KCNQ1OT1: variants seen among roughly 807,000 people sequenced by gnomAD.
KCNQ1OT1 encodes KCNQ1 antisense RNA 2 (non-protein coding).
At chr11:2,614,827 A>C (rs1198729008) in exon 1 of KCNQ1OT1, 9 of 398,296 alleles carry the variant, frequency 2.3e-5, no homozygotes, top group Non-Finnish European at 4.0e-5. Flanking sequence ...GGCAGGCCTG[A>C]GTCTTCCAAC....
At chr11:2,655,151 C>G in exon 1 of KCNQ1OT1, 1 of 398,622 alleles carries the variant, frequency 2.5e-6, no homozygotes, top group Non-Finnish European at 4.4e-6. Flanking sequence ...GGATGCTGTG[C>G]TGAGTTTGAT....
chr11:2,609,682 C>T (rs1848946054), exon 1 of KCNQ1OT1: 2 of 398,124 alleles, frequency 5.0e-6, no homozygotes. Flanking sequence ...TCAGTTTTTG[C>T]TTCTTATGTT....
chr11:2,674,832 TAAAAAAAAAAAAAAAAAAA>T lies in KCNQ1OT1; in HGVS notation n.25144_25162del. ...GCTTGTCACCCTAATAGCTGTTTTT[TAAAAAAAAAAAAAAAAAAA>T]AAAAAAAAAGCTCACTGGGCACCTT... is the stretch of plus-strand genomic sequence containing the variant. On this transcript the variant is annotated non_coding_transcript_exon_variant, in exon 1 of 1. Coordinates refer to ENST00000597346, the Ensembl canonical transcript of KCNQ1OT1. This position sits in a 1 kb window ranked among gnomAD's most constrained non-coding sequence, Gnocchi z 5.9. The T allele has an allele frequency of 3.3e-6, 1 of 303,392 alleles. No individual in the cohort carries two copies. The allele number at this position is 303,392 out of a possible 1,614,324, so 18.8% of individuals were successfully genotyped here.
At chr11:2,685,787 C>G in exon 1 of KCNQ1OT1, 1 of 398,708 alleles carries the variant, frequency 2.5e-6, no homozygotes, top group Non-Finnish European at 4.4e-6. Context: ...AAGGGCCCTG[C>G]ACAGTCAGCG....
exon 1 of KCNQ1OT1, chr11:2,638,544 G>A (rs1188956711): frequency 1.3e-5 from 2 of 152,126 alleles, no homozygotes; most frequent in African/African-American, 2.4e-5. Context: ...TGAGAGATCC[G>A]CCGTTAGTCT....
rs767804839 is a variant in KCNQ1OT1 at position 2,661,914 on chromosome 11, A to AG, written n.38080dup. ...ACAGGCCTGGCTCCACAGCACTGGCAGGTTGGGTGGGAGGCCTAACGTGCT... is the reference window on the plus strand; with the variant it reads ...ACAGGCCTGGCTCCACAGCACTGGCAGGGTTGGGTGGGAGGCCTAACGTGCT... On this transcript the variant is annotated non_coding_transcript_exon_variant, in exon 1 of 1. Transcript: ENST00000597346. The surrounding 1 kb of genome is among the most constrained non-coding windows in gnomAD (Gnocchi z 5.9). The AG allele has an allele frequency of 6.2e-7, 1 of 1,613,642 alleles. No individual in the cohort carries two copies.
chr11:2,649,902 ACTT>A (rs1345931452), exon 1 of KCNQ1OT1: 4 of 398,340 alleles, frequency 1.0e-5, no homozygotes, highest in African/African-American at 8.2e-5. Context: ...TTATCCCAAC[ACTT>A]CTTCTGGAAC....
At position 2,659,936 on chromosome 11, in the gene KCNQ1OT1, G is replaced by C. The variant is rs1177296482; in HGVS notation, n.40059C>G. On this transcript the variant is annotated non_coding_transcript_exon_variant, in exon 1 of 1. Coordinates refer to ENST00000597346, the Ensembl canonical transcript of KCNQ1OT1. The surrounding 1 kb of genome is among the most constrained non-coding windows in gnomAD (Gnocchi z 4.3). ...TAAGCATTCTTTATATATTCTGAGT[G>C]CAAGTCCTTGACCTGATAGGTGATA... 2.5e-6 allele frequency: 1 copy of C among 398,282 alleles called. No homozygotes were observed. Among genetic ancestry groups the C allele is most frequent in the African/African-American group, 2.1e-5 (1 of 48,600 alleles). The allele number at this position is 398,282 out of a possible 1,614,324, so 24.7% of individuals were successfully genotyped here.
In KCNQ1OT1 at chr11:2,683,802, C is replaced by T; in HGVS notation, n.16193G>A. On this transcript the variant is annotated non_coding_transcript_exon_variant, in exon 1 of 1. Coordinates refer to ENST00000597346, the Ensembl canonical transcript of KCNQ1OT1. This position sits in a 1 kb window ranked among gnomAD's most constrained non-coding sequence, Gnocchi z 4.7. ...CTGCTCTTACTCTATACCCCAAAAT[C>T]CCAGCCACTAGCTTGCAGAATGGCT... is the stretch of plus-strand genomic sequence containing the variant. 5.0e-6 allele frequency: 2 copies of T among 398,640 alleles called. No homozygotes were observed. Among genetic ancestry groups the T allele is most frequent in the African/African-American group, 2.1e-5 (1 of 48,750 alleles). The allele number at this position is 398,640 out of a possible 1,614,324, so 24.7% of individuals were successfully genotyped here.
chr11:2,683,540 G>C lies in KCNQ1OT1; in HGVS notation n.16455C>G. The C allele has an allele frequency of 2.5e-6, 1 of 398,614 alleles. No homozygotes were observed. Among genetic ancestry groups the C allele is most frequent in the Non-Finnish European group, 4.4e-6 (1 of 226,062 alleles). The allele number at this position is 398,614 out of a possible 1,614,324, so 24.7% of individuals were successfully genotyped here. A position where few individuals can be genotyped will look rare whatever the true frequency, so the allele number is the denominator to read the frequency against. ...GTTCAGAGTAAACATTTCTAAAAAA[G>C]AGGTAGAAGCCCCTACCTACTGACT... On this transcript the variant is annotated non_coding_transcript_exon_variant, in exon 1 of 1. Transcript: ENST00000597346. This position sits in a 1 kb window ranked among gnomAD's most constrained non-coding sequence, Gnocchi z 4.7.
exon 1 of KCNQ1OT1, chr11:2,672,282 C>G (rs1409800935): frequency 2.5e-6 from 1 of 398,542 alleles, no homozygotes; most frequent in Non-Finnish European, 4.4e-6. Flanking sequence ...ACGAACCCCA[C>G]CAGCTGGGTG....
rs910446521 is a variant in KCNQ1OT1 at position 2,613,326 on chromosome 11, C to A, written n.86669G>T. On this transcript the variant is annotated non_coding_transcript_exon_variant, in exon 1 of 1. Transcript: ENST00000597346. This position sits in a 1 kb window ranked among gnomAD's most constrained non-coding sequence, Gnocchi z 4.8. ...CTCCAGAATTCCTTTTAAAATTTTT[C>A]TTAATCTGTCGCTTGCCCAACCAGT... is the stretch of plus-strand genomic sequence containing the variant. 17 of 398,566 alleles carry A rather than the reference C, an allele frequency of 4.3e-5. No homozygotes were observed. In the South Asian group the frequency reaches 6.4e-4, roughly 15 times the overall value. 24.7% of individuals were successfully genotyped at this position (398,566 alleles called of 1,614,324 possible). A position where few individuals can be genotyped will look rare whatever the true frequency, so the allele number is the denominator to read the frequency against.
chr11:2,623,695 C>T lies in KCNQ1OT1; in HGVS notation n.76300G>A, dbSNP rs1462399166. 1 of 398,374 alleles carries T rather than the reference C, an allele frequency of 2.5e-6. No homozygotes were observed. Among genetic ancestry groups the T allele is most frequent in the Non-Finnish European group, 4.4e-6 (1 of 226,044 alleles). The allele number at this position is 398,374 out of a possible 1,614,324, so 24.7% of individuals were successfully genotyped here. On this transcript the variant is annotated non_coding_transcript_exon_variant, in exon 1 of 1. Coordinates refer to ENST00000597346, the Ensembl canonical transcript of KCNQ1OT1. This position sits in a 1 kb window ranked among gnomAD's most constrained non-coding sequence, Gnocchi z 5.2. ...TATGGAAGGACATCTCGGTTGCTTC[C>T]AATTTCAACAATCACAAATAAAGCT...
At position 2,654,650 on chromosome 11, in the gene KCNQ1OT1, G is replaced by C. The variant is rs1849811188; in HGVS notation, n.45345C>G. On this transcript the variant is annotated non_coding_transcript_exon_variant, in exon 1 of 1. Coordinates refer to ENST00000597346, the Ensembl canonical transcript of KCNQ1OT1. The surrounding 1 kb of genome is among the most constrained non-coding windows in gnomAD (Gnocchi z 6.4). Reference sequence around the variant, plus strand: ...CCAGACACTGGCGAGAGTCTCTTGAGGGCAGAGGGCAGCAGAGATGGGCTG... The same window carrying C: ...CCAGACACTGGCGAGAGTCTCTTGACGGCAGAGGGCAGCAGAGATGGGCTG... 1 of 398,840 alleles carries C rather than the reference G, an allele frequency of 2.5e-6. No individual in the cohort carries two copies. The highest frequency in any genetic ancestry group is 1.3e-4 in the South Asian group (1 of 7,868). 24.7% of individuals were successfully genotyped at this position (398,840 alleles called of 1,614,324 possible). A position where few individuals can be genotyped will look rare whatever the true frequency, so the allele number is the denominator to read the frequency against.
Position 2,698,730 on chromosome 11 carries a change from C to G in KCNQ1OT1, n.1265G>C. Reference sequence around the variant, plus strand: ...CCCTGACTCCAGTCGCCAACTCGGACCTCCCTTGGATCTCAACTCAGAGCC... The same window carrying G: ...CCCTGACTCCAGTCGCCAACTCGGAGCTCCCTTGGATCTCAACTCAGAGCC... On this transcript the variant is annotated non_coding_transcript_exon_variant, in exon 1 of 1. Transcript: ENST00000597346. The surrounding 1 kb of genome is among the most constrained non-coding windows in gnomAD (Gnocchi z 5.1). 2.5e-6 allele frequency: 1 copy of G among 398,936 alleles called. No individual in the cohort carries two copies. Among genetic ancestry groups the G allele is most frequent in the Non-Finnish European group, 4.4e-6 (1 of 226,192 alleles). 24.7% of individuals were successfully genotyped at this position (398,936 alleles called of 1,614,324 possible).
chr11:2,661,065 G>A lies in KCNQ1OT1; in HGVS notation n.38930C>T, dbSNP rs1212710734. On this transcript the variant is annotated non_coding_transcript_exon_variant, in exon 1 of 1. Coordinates refer to ENST00000597346, the Ensembl canonical transcript of KCNQ1OT1. This position sits in a 1 kb window ranked among gnomAD's most constrained non-coding sequence, Gnocchi z 5.9. ...TATGTTACAGAGTGACAGGAACAGAGTCACAGTGACATCCCATGTGCATAA... is the reference window on the plus strand; with the variant it reads ...TATGTTACAGAGTGACAGGAACAGAATCACAGTGACATCCCATGTGCATAA... 1 of 398,480 alleles carries A rather than the reference G, an allele frequency of 2.5e-6. No homozygotes were observed. The highest frequency in any genetic ancestry group is 2.1e-5 in the African/African-American group (1 of 48,690). The allele number at this position is 398,480 out of a possible 1,614,324, so 24.7% of individuals were successfully genotyped here.
Position 2,671,244 on chromosome 11 carries a change from A to G in KCNQ1OT1, n.28751T>C, listed in dbSNP as rs998535327. ...AGACAGGAGTCCAGGTCTGACCTCAAAATCCGATGTCCCCACCATCCCCAG... is the reference window on the plus strand; with the variant it reads ...AGACAGGAGTCCAGGTCTGACCTCAGAATCCGATGTCCCCACCATCCCCAG... On this transcript the variant is annotated non_coding_transcript_exon_variant, in exon 1 of 1. Transcript: ENST00000597346. The surrounding 1 kb of genome is among the most constrained non-coding windows in gnomAD (Gnocchi z 4.7). The G allele has an allele frequency of 7.5e-6, 3 of 398,514 alleles. No individual in the cohort carries two copies. Among genetic ancestry groups the G allele is most frequent in the African/African-American group, 6.2e-5 (3 of 48,638 alleles). 24.7% of individuals were successfully genotyped at this position (398,514 alleles called of 1,614,324 possible). A position where few individuals can be genotyped will look rare whatever the true frequency, so the allele number is the denominator to read the frequency against.
chr11:2,689,008 G>T, exon 1 of KCNQ1OT1: 1 of 398,732 alleles, frequency 2.5e-6, no homozygotes, highest in Non-Finnish European at 4.4e-6. Flanking sequence ...CAGGTCCCTG[G>T]GTTGGAATCC....
chr11:2,608,683 T>C lies in KCNQ1OT1; in HGVS notation n.91312A>G, dbSNP rs543313983. 7.6e-6 allele frequency: 3 copies of C among 397,078 alleles called. No homozygotes were observed. Among genetic ancestry groups the C allele is most frequent in the African/African-American group, 2.1e-5 (1 of 47,280 alleles). The allele number at this position is 397,078 out of a possible 1,614,324, so 24.6% of individuals were successfully genotyped here. ...CTTGCTTTGTTGTGCATGCTATTCT[T>C]GAACTCCTGGCCACAAGCAATTCTC... is the stretch of plus-strand genomic sequence containing the variant. On this transcript the variant is annotated non_coding_transcript_exon_variant, in exon 1 of 1. Coordinates refer to ENST00000597346, the Ensembl canonical transcript of KCNQ1OT1. The surrounding 1 kb of genome is among the most constrained non-coding windows in gnomAD (Gnocchi z 4.6).
Sources: gnomAD v4.1 joint callset for allele counts on GRCh38, gnomAD v4.1.1 for gene constraint, Gnocchi (gnomAD v3.1) non-coding constraint, MANE v1.5 for transcripts, NCBI Gene and HGNC (gene_info 2026-07-23, HGNC 2026-07-21) for gene names.